Variants in LY75 observed in about 807,000 individuals in gnomAD.
The protein encoded by LY75 is lymphocyte antigen 75.
LY75 carries 185 observed loss-of-function variants against 231.7 expected under a neutral mutation model. The observed-to-expected ratio is 0.80, with a 90% CI of 0.71 to 0.90. The LOEUF is 0.90. Ranked by LOEUF, LY75 falls within the 40% of genes least tolerant of loss-of-function variation. The pLI is 0.00. For synonymous variants in LY75, 668 were observed against 689.0 expected, an observed-to-expected ratio of 0.97 and a Z score of 0.48; for missense variants, 1,947 against 2,050.2, an observed-to-expected ratio of 0.95 and a Z score of 0.97.
intron 23 of LY75, among the ~76,000 whole-genome samples, chr2:159,846,213 A>AG (rs1466060845): frequency 1.5e-4 from 23 of 151,556 alleles, no homozygotes; most frequent in Admixed American, 7.2e-4. Flanking sequence ...GCTATCAGAA[A>AG]GGGGAAAAAA....
intron 25 of LY75, among the ~76,000 whole-genome samples, chr2:159,839,526 A>G (rs2125846097): frequency 6.6e-6 from 1 of 152,288 alleles, no homozygotes; most frequent in South Asian, 2.1e-4. Context: ...GGAAAACACT[A>G]TTCAACCTCC....
At position 159,901,090 on chromosome 2, in the gene LY75, C is replaced by T. The variant is rs542200505; in HGVS notation, c.95-2031G>A. Among the ~76,000 whole-genome samples the T allele has an allele frequency of 3.7e-4, 56 of 152,270 alleles. No homozygotes were observed. In the South Asian group the frequency reaches 9.9e-3, roughly 27 times the overall value. On this transcript the variant is annotated intron_variant, in intron 1 of 34. Transcript: ENST00000263636. The stretch of plus-strand genomic sequence containing the variant: ...CTGACCTCAGGTGATCCACCCACTT[C>T]GGCCTCCCAAAATGCTGGGATTATA...
At chr2:159,829,475 T>G (rs1418521146) in intron 28 of LY75, among the ~76,000 whole-genome samples, 2 of 152,120 alleles carry the variant, frequency 1.3e-5, no homozygotes, top group Non-Finnish European at 2.9e-5. Context: ...TATTGAAAAA[T>G]CAAAAATGTT....
chr2:159,852,096 G>A, intron 21 of LY75, 105 bp downstream of exon 21: 1 of 1,469,428 alleles, frequency 6.8e-7, no homozygotes, highest in Non-Finnish European at 9.1e-7. Flanking sequence ...AACATGCAGA[G>A]TCTATTTCAG....
At chr2:159,849,622 T>C (rs1259783905) in intron 23 of LY75, among the ~76,000 whole-genome samples, 1 of 152,236 alleles carries the variant, frequency 6.6e-6, no homozygotes. Context: ...GAGGCACCTG[T>C]TGTTCTTGCA....
At chr2:159,823,405 A>C (rs1189777838) in intron 28 of LY75, among the ~76,000 whole-genome samples, 2 of 152,226 alleles carry the variant, frequency 1.3e-5, no homozygotes, top group Non-Finnish European at 2.9e-5. Flanking sequence ...AAGAAAAAAG[A>C]ATAAAAAGGA....
rs80110465 is a variant in LY75, at chr2:159,896,012, A to G, written c.467-1928T>C. ...CTTAAAACAACAGCTTTATTATGCA[A>G]TAGTTACAAATTTGTGAGATGAGGT... On this transcript the variant is annotated intron_variant, in intron 2 of 34. Transcript: ENST00000263636. 2.3e-3 allele frequency among the ~76,000 whole-genome samples: 347 copies of G among 152,346 alleles called. 4 individuals carry two copies. Among genetic ancestry groups the G allele is most frequent in the African/African-American group, 8.0e-3 (334 of 41,582 alleles).
chr2:159,819,666 C>T, intron 29 of LY75, 60 bp downstream of exon 29: 3 of 1,525,000 alleles, frequency 2.0e-6, no homozygotes, highest in Non-Finnish European at 2.6e-6. Flanking sequence ...ACTGGTGGAA[C>T]TAATAGCCTT....
At chr2:159,840,496 C>T (rs560907270) in intron 25 of LY75, among the ~76,000 whole-genome samples, 13 of 151,898 alleles carry the variant, frequency 8.6e-5, no homozygotes, top group African/African-American at 2.9e-4. Flanking sequence ...CGCTTGAGCC[C>T]GGGAGGTCAA....
At chr2:159,894,790 T>C (rs1360794764) in intron 2 of LY75, among the ~76,000 whole-genome samples, 1 of 152,220 alleles carries the variant, frequency 6.6e-6, no homozygotes, top group African/African-American at 2.4e-5. Context: ...TAGCTTTTAC[T>C]TCAATCATTT....
rs1486868141 is a variant in LY75, at chr2:159,803,885, A to G, written c.*1159T>C. 1 of 152,244 alleles carries G rather than the reference A, an allele frequency of 6.6e-6. No homozygotes were observed. Among genetic ancestry groups the G allele is most frequent in the Non-Finnish European group, 1.5e-5 (1 of 68,038 alleles). The allele number at this position is 152,244 out of a possible 1,614,324, so 9.4% of individuals were successfully genotyped here. On this transcript the variant is annotated 3_prime_UTR_variant, in exon 35 of 35. Coordinates refer to ENST00000263636, the MANE Select transcript of LY75 (RefSeq NM_002349.4). ...TTCTCTGTTTAACACATGTTAAAAAAGTAAAACAAAATTCTTAGTCAAAAG... is the reference window on the plus strand; with the variant it reads ...TTCTCTGTTTAACACATGTTAAAAAGGTAAAACAAAATTCTTAGTCAAAAG...
At position 159,878,372 on chromosome 2, in the gene LY75, C is replaced by T. The variant is rs1685333769; in HGVS notation, c.1726G>A (p.Gly576Arg). The change falls in exon 11 of 35, where the codon GGA becomes AGA. Residue 576 changes from glycine (G) to arginine (R), a missense_variant. Coordinates refer to ENST00000263636, the MANE Select transcript of LY75 (RefSeq NM_002349.4). ...GAAAAGGTTACAGCCCGCCTTCTTC[C>T]ACCAACAGTTGCCCAGTTATACTCT... Reference protein sequence around the residue: ...CGEYNWATVGGRRRAVTFSNW... With the variant: ...CGEYNWATVGRRRRAVTFSNW... The T allele has an allele frequency of 1.2e-6, 2 of 1,614,086 alleles. No homozygotes were observed. The highest frequency in any genetic ancestry group is 1.1e-5 in the South Asian group (1 of 91,086).
chr2:159,870,231 C>T (rs530647425), intron 13 of LY75, among the ~76,000 whole-genome samples: 7 of 152,166 alleles, frequency 4.6e-5, no homozygotes, highest in East Asian at 1.9e-4. Flanking sequence ...GAAGGTGAAT[C>T]GCTTGAGCCA....
At chr2:159,860,972 A>C (rs1337896285) in intron 14 of LY75, 83 bp from the exon 15 acceptor site, 2 of 1,487,226 alleles carry the variant, frequency 1.3e-6, no homozygotes, top group East Asian at 4.7e-5. Flanking sequence ...AGCCTTAATC[A>C]CTCAAGTGCG....
At chr2:159,890,468 A>G (rs1685717992) in intron 3 of LY75, 91 bp from the exon 4 acceptor site, 5 of 1,567,860 alleles carry the variant, frequency 3.2e-6, no homozygotes, top group Non-Finnish European at 4.3e-6. Flanking sequence ...GTCAATTTGC[A>G]TACTCTTAGG....
intron 30 of LY75, among the ~76,000 whole-genome samples, chr2:159,816,061 A>G (rs1257141048): frequency 4.6e-5 from 7 of 152,152 alleles, no homozygotes; most frequent in Non-Finnish European, 1.0e-4. Flanking sequence ...TGGGAAGACT[A>G]TTTTTGAATT....
intron 13 of LY75, 104 bp downstream of exon 13, chr2:159,872,345 CAT>C (rs1685039865): frequency 7.0e-7 from 1 of 1,436,300 alleles, no homozygotes; most frequent in Non-Finnish European, 9.3e-7. Context: ...GATAATAAAA[CAT>C]GTCCATTTTT....
At position 159,842,345 on chromosome 2, in the gene LY75, A is replaced by ACAGT; in HGVS notation, c.3176_3179dup (p.Cys1060Ter). On this transcript the variant is annotated stop_gained and frameshift_variant, in exon 24 of 35. Transcript: ENST00000263636. LOFTEE classifies it high-confidence loss of function. ...ATTTTTGGAGGTTGAGTATTAGGGC[A>ACAGT]CAGTGGTAGCGAGACTCTTCCTCAA... 6.2e-7 allele frequency: 1 copy of ACAGT among 1,612,022 alleles called. No homozygotes were observed.
In LY75 at chr2:159,815,569, C is replaced by T. The variant is rs767156934; in HGVS notation, c.4385G>A (p.Ser1462Asn). Residue 1462 changes from serine (S) to asparagine (N), a missense_variant, in exon 31 of 35, where the codon AGT becomes AAT. Coordinates refer to ENST00000263636, the MANE Select transcript of LY75 (RefSeq NM_002349.4). ...ATCAGACCATTCAAAACTTGATTCACTTCCCTGTTGTAAGAACAATAGAGA... is the reference window on the plus strand; with the variant it reads ...ATCAGACCATTCAAAACTTGATTCATTTCCCTGTTGTAAGAACAATAGAGA... ...LWVGLSSHDGSESSFEWSDGS... is the reference protein window; with the variant it reads ...LWVGLSSHDGNESSFEWSDGS... 6.2e-7 allele frequency: 1 copy of T among 1,611,776 alleles called. No individual in the cohort carries two copies. The highest frequency in any genetic ancestry group is 1.3e-5 in the African/African-American group (1 of 74,788).
Sources: allele counts gnomAD v4.1 joint callset (sites outside exome capture counted in the v4.1 genomes callset), GRCh38; gene constraint gnomAD v4.1.1; transcripts MANE v1.5; gene names NCBI Gene and HGNC (gene_info 2026-07-23, HGNC 2026-07-21).